The following EPS15 variants were observed in gnomAD, a reference collection of about 807,000 sequenced individuals.
The protein encoded by EPS15 is epidermal growth factor receptor substrate 15.
EPS15 carries 72 observed loss-of-function variants against 113.8 expected under a neutral mutation model. The ratio of observed to expected loss-of-function variants is 0.63; its 90% CI spans 0.52 to 0.77. The LOEUF is 0.77. Among genes scored for constraint, EPS15 ranks in the 30% least tolerant of loss-of-function variants. The pLI, the probability that EPS15 is intolerant of heterozygous loss-of-function variation, is 0.00. For missense variants in EPS15, 1,048 were observed against 1,045.8 expected (o/e 1.00, Z -0.03); for synonymous variants, 344 against 363.4 (o/e 0.95, Z 0.61).
chr1:51,457,530 TTTTTTC>T (rs1654102817), intron 8 of EPS15: 1 of 148,966 alleles, frequency 6.7e-6, no homozygotes, highest in African/African-American at 2.5e-5. Context: ...TTTTTTTTTT[TTTTTTC>T]CAGATTCTGG....
At chr1:51,482,304 T>C (rs933651983) in intron 1 of EPS15, among the ~76,000 whole-genome samples, 2 of 151,802 alleles carry the variant, frequency 1.3e-5, no homozygotes, top group East Asian at 1.9e-4. Context: ...ATGGGGAAGA[T>C]GGGGAGAGGG....
intron 1 of EPS15, among the ~76,000 whole-genome samples, chr1:51,517,571 A>G (rs1570470401): frequency 6.6e-6 from 1 of 152,340 alleles, no homozygotes; most frequent in East Asian, 1.9e-4. Flanking sequence ...CCAGAAAACA[A>G]CAGCCTGCCA....
At chr1:51,410,924 A>G (rs1225475169) in intron 13 of EPS15, among the ~76,000 whole-genome samples, 1 of 152,238 alleles carries the variant, frequency 6.6e-6, no homozygotes, top group Non-Finnish European at 1.5e-5. Context: ...TATATGACAG[A>G]TCTACGAGTT....
intron 1 of EPS15, 147 bp from the exon 2 acceptor site, chr1:51,481,461 G>A (rs1644018934): frequency 1.7e-6 from 1 of 591,520 alleles, no homozygotes; most frequent in Non-Finnish European, 3.0e-6. Flanking sequence ...TTCTTCTTGG[G>A]GAGCGTGAGA....
intron 1 of EPS15, among the ~76,000 whole-genome samples, chr1:51,501,162 C>CT (rs1644404995): frequency 6.6e-6 from 1 of 151,902 alleles, no homozygotes; most frequent in Non-Finnish European, 1.5e-5. Flanking sequence ...AATCCCAGCA[C>CT]TTTGAGAGCC....
At chr1:51,430,426 G>A (rs549972704) in intron 12 of EPS15, among the ~76,000 whole-genome samples, 6 of 151,820 alleles carry the variant, frequency 4.0e-5, no homozygotes, top group Non-Finnish European at 7.4e-5. Flanking sequence ...AAAATTAGCC[G>A]GGTGCGGTGG....
intron 12 of EPS15, 142 bp from the exon 13 acceptor site, chr1:51,422,000 C>G (rs771606970): frequency 3.8e-6 from 5 of 1,332,050 alleles, no homozygotes; most frequent in African/African-American, 3.0e-5. Context: ...TTTTTCTACC[C>G]TCTTTCAATT....
intron 1 of EPS15, among the ~76,000 whole-genome samples, chr1:51,489,646 C>T (rs1644196221): frequency 6.6e-6 from 1 of 152,130 alleles, no homozygotes. Flanking sequence ...TAGCCTCTCT[C>T]TCTTTAAGAG....
At chr1:51,360,205 A>G (rs1646350642) in intron 24 of EPS15, among the ~76,000 whole-genome samples, 1 of 152,194 alleles carries the variant, frequency 6.6e-6, no homozygotes, top group Admixed American at 6.5e-5. Context: ...TTACCTGGCC[A>G]CTAGATCTAT....
At chr1:51,429,554 G>T (rs1173898795) in intron 12 of EPS15, among the ~76,000 whole-genome samples, 1 of 151,758 alleles carries the variant, frequency 6.6e-6, no homozygotes, top group African/African-American at 2.4e-5. Flanking sequence ...AGGTTCATGT[G>T]TGGTTAAATA....
Position 51,356,657 on chromosome 1 carries a change from GGAA to G in EPS15, c.*40_*42del, listed in dbSNP as rs754597758. The G allele has an allele frequency of 4.5e-6, 7 of 1,551,052 alleles. No individual in the cohort carries two copies. Among genetic ancestry groups the G allele is most frequent in the East Asian group, 4.6e-5 (2 of 43,224 alleles). ...ACATTGTAAATAGTTTCAGTATTCA[GGAA>G]GAAGAATACTATATTGTTGCCAAAG... is the stretch of plus-strand genomic sequence containing the variant. On this transcript the variant is annotated 3_prime_UTR_variant, in exon 25 of 25. Transcript: ENST00000371733.
chr1:51,517,290 G>T (rs1644737692), intron 1 of EPS15, among the ~76,000 whole-genome samples: 1 of 152,026 alleles, frequency 6.6e-6, no homozygotes, highest in Admixed American at 6.6e-5. Context: ...AGGCACTGAA[G>T]GATAATAGCT....
intron 2 of EPS15, among the ~76,000 whole-genome samples, chr1:51,473,364 C>A (rs563718893): frequency 6.6e-6 from 1 of 152,340 alleles, no homozygotes; most frequent in South Asian, 2.1e-4. Flanking sequence ...CTTCAAACAT[C>A]TTTCAATCAT....
chr1:51,463,754 G>C lies in EPS15; in HGVS notation c.420C>G (p.Ser140Arg), dbSNP rs529360051. 19 of 1,602,798 alleles carry C rather than the reference G, an allele frequency of 1.2e-5. No homozygotes were observed. The South Asian group carries it at 2.1e-4, about 18-fold the overall frequency. Residue 140 changes from serine (S) to arginine (R), a missense_variant, in exon 7 of 25, where the codon AGC becomes AGG. Ser to Arg is a moderately radical substitution (Grantham distance 110). Coordinates refer to ENST00000371733, the MANE Select transcript of EPS15 (RefSeq NM_001981.3). ...CACCAGACAGAAATCCATTCACTGG[G>C]CTTAAACTATCAAATATTGCATCAT... The part of the protein sequence containing the change: ...AKYDAIFDSL[S>R]PVNGFLSGDK...
chr1:51,356,917 G>A, intron 24 of EPS15, 71 bp from the exon 25 acceptor site: 24 of 1,406,696 alleles, frequency 1.7e-5, no homozygotes, highest in Non-Finnish European at 2.2e-5. Context: ...AGGAAAAATA[G>A]TTTTTACAAA....
At chr1:51,423,527 C>A in intron 12 of EPS15, 2 of 985,374 alleles carry the variant, frequency 2.0e-6, no homozygotes, top group Non-Finnish European at 2.4e-6. Context: ...AGCACCCTCC[C>A]CCCATCCCAA....
intron 7 of EPS15, among the ~76,000 whole-genome samples, chr1:51,462,748 A>G (rs1187677704): frequency 6.6e-6 from 1 of 152,108 alleles, no homozygotes; most frequent in Non-Finnish European, 1.5e-5. Context: ...TTGCATAATA[A>G]TGTAAATGTA....
intron 12 of EPS15, among the ~76,000 whole-genome samples, chr1:51,429,782 C>A (rs776992379): frequency 2.6e-5 from 4 of 151,966 alleles, no homozygotes; most frequent in Non-Finnish European, 5.9e-5. Context: ...TTCCGAGTAG[C>A]TGGGATTACA....
intron 12 of EPS15, chr1:51,422,147 G>GT: frequency 1.4e-6 from 1 of 734,886 alleles, no homozygotes. Flanking sequence ...TTTCACTGAT[G>GT]TCACTGTTGC....
Sources: allele counts gnomAD v4.1 joint callset (sites outside exome capture counted in the v4.1 genomes callset), GRCh38; gene constraint gnomAD v4.1.1; transcripts MANE v1.5; gene names NCBI Gene and HGNC (gene_info 2026-07-23, HGNC 2026-07-21).